The following CNTN4 variants were observed in gnomAD, a reference collection of about 807,000 sequenced individuals.
CNTN4 encodes the protein contactin 4.
CNTN4 carries 77 observed loss-of-function variants against 122.5 expected under a neutral mutation model. The observed-to-expected ratio is 0.63, with a 90% confidence interval of 0.52 to 0.76. The LOEUF is 0.76. Among genes scored for constraint, CNTN4 ranks in the 30% least tolerant of loss-of-function variants. The pLI is 0.00. For synonymous variants in CNTN4, 512 were observed against 447.0 expected, an observed-to-expected ratio of 1.15 and a Z score of -1.83; for missense variants, 1,256 against 1,259.1, an observed-to-expected ratio of 1.00 and a Z score of 0.04.
intron 4 of CNTN4, among the ~76,000 whole-genome samples, chr3:2,592,094 G>A (rs1178819018): frequency 6.6e-6 from 1 of 151,870 alleles, no homozygotes. Flanking sequence ...TTTCCCAGGC[G>A]CATCTCAAAA....
intron 11 of CNTN4, among the ~76,000 whole-genome samples, chr3:2,902,401 A>G (rs1412018766): frequency 6.6e-6 from 1 of 152,100 alleles, no homozygotes; most frequent in African/African-American, 2.4e-5. Flanking sequence ...GTAAACCTCA[A>G]CCAATATTAA....
At chr3:2,743,537 A>G (rs1020053925) in intron 5 of CNTN4, among the ~76,000 whole-genome samples, 3 of 152,200 alleles carry the variant, frequency 2.0e-5, no homozygotes, top group Non-Finnish European at 4.4e-5. Flanking sequence ...TTTCAAAGAC[A>G]TGAATAAACA....
chr3:2,364,332 A>G (rs1406832180), intron 3 of CNTN4, among the ~76,000 whole-genome samples: 1 of 152,100 alleles, frequency 6.6e-6, no homozygotes, highest in East Asian at 1.9e-4. Context: ...TTAAATTGGA[A>G]AGTTCCAACA....
intron 4 of CNTN4, among the ~76,000 whole-genome samples, chr3:2,732,679 T>C (rs2149469459): frequency 6.6e-6 from 1 of 152,302 alleles, no homozygotes; most frequent in East Asian, 1.9e-4. Flanking sequence ...CAGGACTCTT[T>C]GTCTCACCCA....
At chr3:2,606,247 AGTTATTGTAAG>A (rs1328006452) in intron 4 of CNTN4, among the ~76,000 whole-genome samples, 1 of 152,160 alleles carries the variant, frequency 6.6e-6, no homozygotes. Context: ...GGCAATAAGA[AGTTATTGTAAG>A]GTTTCAAACG....
In CNTN4 at chr3:2,929,015, G is replaced by A. The variant is rs554457413; in HGVS notation, c.1358+3236G>A. Among the ~76,000 whole-genome samples, 33 of 152,290 alleles carry A rather than the reference G, an allele frequency of 2.2e-4. 1 individual carries two copies. In the South Asian group the frequency reaches 6.8e-3, roughly 32 times the overall value. On this transcript the variant is annotated intron_variant, in intron 13 of 24. Coordinates refer to ENST00000418658, the MANE Select transcript of CNTN4 (RefSeq NM_175607.3). Reference sequence around the variant, plus strand: ...GGAAATATACAGCATATTCACACTAGCCTTATCTATGTTAATCCAAGCATC... The same window carrying A: ...GGAAATATACAGCATATTCACACTAACCTTATCTATGTTAATCCAAGCATC...
chr3:2,664,252 C>T (rs1008417708), intron 4 of CNTN4, among the ~76,000 whole-genome samples: 5 of 152,232 alleles, frequency 3.3e-5, no homozygotes, highest in African/African-American at 7.2e-5. Flanking sequence ...GAAATACATA[C>T]GTCTTCTAAG....
intron 2 of CNTN4, among the ~76,000 whole-genome samples, chr3:2,293,165 A>G (rs1375443238): frequency 6.6e-6 from 1 of 152,216 alleles, no homozygotes; most frequent in Non-Finnish European, 1.5e-5. Flanking sequence ...CCTAATTTTA[A>G]GAGAAGTATG....
At chr3:2,516,007 G>T (rs188177772) in intron 3 of CNTN4, among the ~76,000 whole-genome samples, 1 of 151,976 alleles carries the variant, frequency 6.6e-6, no homozygotes, top group African/African-American at 2.4e-5. Context: ...GCTTGGATGG[G>T]CTCATCTTAT....
intron 2 of CNTN4, among the ~76,000 whole-genome samples, chr3:2,276,323 C>A (rs1017569731): frequency 7.2e-5 from 11 of 152,046 alleles, no homozygotes; most frequent in Non-Finnish European, 4.4e-5. Context: ...CAGGTGCAAG[C>A]CACTGTGCTC....
chr3:2,233,488 C>G (rs1218948643), intron 2 of CNTN4, among the ~76,000 whole-genome samples: 1 of 152,122 alleles, frequency 6.6e-6, no homozygotes, highest in Non-Finnish European at 1.5e-5. Context: ...CTATTCTGAA[C>G]TAGGCCAATA....
intron 2 of CNTN4, among the ~76,000 whole-genome samples, chr3:2,189,403 G>C (rs1158049882): frequency 3.3e-5 from 5 of 152,320 alleles, no homozygotes; most frequent in Admixed American, 3.3e-4. Flanking sequence ...GAACTCAGCA[G>C]ATCTCTCTGG....
chr3:2,473,871 G>A (rs1378358941), intron 3 of CNTN4, among the ~76,000 whole-genome samples: 1 of 152,100 alleles, frequency 6.6e-6, no homozygotes, highest in African/African-American at 2.4e-5. Context: ...AATTAGCCAG[G>A]TGTGGTGGTG....
intron 3 of CNTN4, among the ~76,000 whole-genome samples, chr3:2,540,007 T>A (rs2077969048): frequency 6.6e-6 from 1 of 151,972 alleles, no homozygotes; most frequent in South Asian, 2.1e-4. Flanking sequence ...AATACAGGTA[T>A]CTATTATTAA....
chr3:2,992,943 C>G (rs1360262589), intron 14 of CNTN4, among the ~76,000 whole-genome samples: 1 of 152,128 alleles, frequency 6.6e-6, no homozygotes, highest in East Asian at 1.9e-4. Context: ...AAATCTAACT[C>G]CTAGGGAGGA....
intron 5 of CNTN4, among the ~76,000 whole-genome samples, chr3:2,738,741 G>A (rs894200558): frequency 2.6e-5 from 4 of 152,038 alleles, no homozygotes; most frequent in African/African-American, 7.2e-5. Context: ...ACCCTACTGC[G>A]CAGCATACAC....
At chr3:2,192,477 AC>A (rs2149345108) in intron 2 of CNTN4, among the ~76,000 whole-genome samples, 1 of 152,338 alleles carries the variant, frequency 6.6e-6, no homozygotes, top group Non-Finnish European at 1.5e-5. Context: ...AGCAAAAGAA[AC>A]TACCATCAGA....
intron 3 of CNTN4, among the ~76,000 whole-genome samples, chr3:2,421,651 G>C (rs945290355): frequency 6.6e-6 from 1 of 151,938 alleles, no homozygotes; most frequent in Admixed American, 6.6e-5. Context: ...ATCTTCACTG[G>C]GCATTCTATT....
intron 3 of CNTN4, 158 bp from the exon 4 acceptor site, chr3:2,571,258 A>G: frequency 1.8e-6 from 1 of 560,538 alleles, no homozygotes; most frequent in Admixed American, 3.1e-5. Flanking sequence ...TAGGAGTCTT[A>G]TTAGCTTTAT....
Sources: allele counts gnomAD v4.1 joint callset (sites outside exome capture counted in the v4.1 genomes callset), GRCh38; gene constraint gnomAD v4.1.1; transcripts MANE v1.5; gene names NCBI Gene and HGNC (gene_info 2026-07-23, HGNC 2026-07-21).